Variants in TNIK observed in about 807,000 individuals in gnomAD.
TNIK encodes the protein TRAF2 and NCK interacting kinase.
A neutral mutation model predicts 191.3 loss-of-function variants in TNIK; 49 were observed. That is an observed-to-expected ratio of 0.26 (90% CI 0.20 to 0.32). The LOEUF is 0.32. Ranked by LOEUF, TNIK falls within the 10% of genes least tolerant of loss-of-function variation. The probability of loss-of-function intolerance (pLI) is 1.00; values close to 1 mark genes in which losing one functional copy is unlikely to be tolerated. For missense variants in TNIK, 1,155 were observed against 1,702.3 expected (o/e 0.68, Z 5.66); for synonymous variants, 594 against 600.9 (o/e 0.99, Z 0.17).
rs1717966728 is a variant in TNIK, at chr3:171,062,842, A to G, written c.*1039T>C. On this transcript the variant is annotated 3_prime_UTR_variant, in exon 33 of 33. Transcript: ENST00000436636. Reference sequence around the variant, plus strand: ...CCTCGGGAGAGCGCTGGGAATGTTCAGAGCCTGAATATCATCCACTCTCCA... The same window carrying G: ...CCTCGGGAGAGCGCTGGGAATGTTCGGAGCCTGAATATCATCCACTCTCCA... 2 of 152,342 alleles carry G rather than the reference A, an allele frequency of 1.3e-5. No homozygotes were observed. Among genetic ancestry groups the G allele is most frequent in the African/African-American group, 2.4e-5 (1 of 41,576 alleles). 9.4% of individuals were successfully genotyped at this position (152,342 alleles called of 1,614,324 possible).
rs1251573187 is a variant in TNIK at position 171,157,618 on chromosome 3, G to A, written c.1063C>T (p.Leu355=). The A allele has an allele frequency of 1.9e-6, 3 of 1,556,898 alleles. No homozygotes were observed. Among genetic ancestry groups the A allele is most frequent in the Admixed American group, 3.9e-5 (2 of 51,588 alleles). ...PGESTLRRDF[L]RLQLANKERS... is the part of the protein sequence containing the mutation. Reference sequence around the variant, plus strand: ...TCCTTGTTGGCCAGCTGCAGCCTCAGAAAGTCCCTCCGCAGCGTCGACTCC... The same window carrying A: ...TCCTTGTTGGCCAGCTGCAGCCTCAAAAAGTCCCTCCGCAGCGTCGACTCC... The change falls in exon 12 of 33, where the codon CTG becomes TTG. Residue 355 remains leucine, a synonymous_variant. Coordinates refer to ENST00000436636, the MANE Select transcript of TNIK (RefSeq NM_015028.4).
chr3:171,276,417 A>G (rs1215350745), intron 2 of TNIK, among the ~76,000 whole-genome samples: 1 of 152,214 alleles, frequency 6.6e-6, no homozygotes, highest in Non-Finnish European at 1.5e-5. Context: ...ACTCCATCAA[A>G]GTGAACTTGG....
At chr3:171,381,170 T>G (rs1353917247) in intron 1 of TNIK, among the ~76,000 whole-genome samples, 1 of 152,210 alleles carries the variant, frequency 6.6e-6, no homozygotes, top group Non-Finnish European at 1.5e-5. Flanking sequence ...AACGGGGGAT[T>G]TATACCATCT....
At chr3:171,253,085 G>T (rs1009266457) in intron 2 of TNIK, among the ~76,000 whole-genome samples, 1 of 151,320 alleles carries the variant, frequency 6.6e-6, no homozygotes, top group Non-Finnish European at 1.5e-5. Context: ...GACCATCCTG[G>T]CCAACACGGT....
chr3:171,287,773 A>G (rs1179182905), intron 2 of TNIK, among the ~76,000 whole-genome samples: 1 of 152,226 alleles, frequency 6.6e-6, no homozygotes, highest in East Asian at 1.9e-4. Context: ...TATTTGATAT[A>G]TAAAGGGCCA....
intron 1 of TNIK, among the ~76,000 whole-genome samples, chr3:171,376,257 CTG>C (rs902479426): frequency 1.3e-5 from 2 of 152,184 alleles, no homozygotes; most frequent in African/African-American, 2.4e-5. Context: ...CATTAGGAAA[CTG>C]TGCTGACTCA....
At chr3:171,444,335 C>A (rs949790430) in intron 1 of TNIK, among the ~76,000 whole-genome samples, 1 of 152,142 alleles carries the variant, frequency 6.6e-6, no homozygotes, top group African/African-American at 2.4e-5. Flanking sequence ...AATATACATT[C>A]CATTTCCCAG....
At chr3:171,103,842 A>G (rs1027115832) in intron 21 of TNIK, among the ~76,000 whole-genome samples, 5 of 152,216 alleles carry the variant, frequency 3.3e-5, no homozygotes, top group East Asian at 1.9e-4. Flanking sequence ...TTTCAAAACG[A>G]GACAAAAGAA....
In TNIK at chr3:171,459,479, CT is replaced by C. The variant is rs1320476548; in HGVS notation, c.57+527del. Among the ~76,000 whole-genome samples the C allele has an allele frequency of 2.6e-5, 4 of 152,306 alleles. No individual in the cohort carries two copies. In the South Asian group the frequency reaches 8.3e-4, roughly 32 times the overall value. ...AGGGGGAGGGGGAGGCAGTTGCCATCTACAAGACCAGCATAGCAATAACTGC... is the reference window on the plus strand; with the variant it reads ...AGGGGGAGGGGGAGGCAGTTGCCATCACAAGACCAGCATAGCAATAACTGC... On this transcript the variant is annotated intron_variant, in intron 1 of 32. Coordinates refer to ENST00000436636, the MANE Select transcript of TNIK (RefSeq NM_015028.4).
intron 1 of TNIK, among the ~76,000 whole-genome samples, chr3:171,425,343 T>C (rs1724410528): frequency 6.6e-6 from 1 of 152,198 alleles, no homozygotes; most frequent in Admixed American, 6.5e-5. Flanking sequence ...AACACCCCTA[T>C]GGCTAAATAT....
chr3:171,430,676 T>A (rs1269517156), intron 1 of TNIK, among the ~76,000 whole-genome samples: 6 of 150,940 alleles, frequency 4.0e-5, no homozygotes, highest in Non-Finnish European at 7.4e-5. Flanking sequence ...ATGAAATTAA[T>A]ATTGTTTTAA....
At chr3:171,343,920 AT>A (rs1186892666) in intron 2 of TNIK, among the ~76,000 whole-genome samples, 1 of 152,166 alleles carries the variant, frequency 6.6e-6, no homozygotes, top group Non-Finnish European at 1.5e-5. Context: ...CCTTCCTCAT[AT>A]GACTCTGCTC....
At chr3:171,158,428 T>C (rs183266066) in intron 11 of TNIK, among the ~76,000 whole-genome samples, 46 of 152,380 alleles carry the variant, frequency 3.0e-4, no homozygotes, top group African/African-American at 1.1e-3. Flanking sequence ...AAATAAGTTC[T>C]ACCTACTTCG....
intron 2 of TNIK, among the ~76,000 whole-genome samples, chr3:171,242,785 T>C (rs1314439476): frequency 6.6e-6 from 1 of 152,232 alleles, no homozygotes; most frequent in Non-Finnish European, 1.5e-5. Flanking sequence ...CTGATGAGCA[T>C]TCAACGGTTC....
intron 7 of TNIK, among the ~76,000 whole-genome samples, chr3:171,185,183 G>C (rs913109778): frequency 4.6e-4 from 33 of 72,310 alleles, no homozygotes; most frequent in African/African-American, 3.6e-3. Flanking sequence ...TTTCCCGTGT[G>C]TGTGTGTGTG....
chr3:171,157,573 T>C lies in TNIK; in HGVS notation c.1108A>G (p.Arg370Gly), dbSNP rs1576992467. The C allele has an allele frequency of 6.4e-7, 1 of 1,559,332 alleles. No homozygotes were observed. The highest frequency in any genetic ancestry group is 2.4e-5 in the East Asian group (1 of 41,386). Reference sequence around the variant, plus strand: ...CGCTGCTGCTGCTCCAGCTGCTGCCTCCGTAGGGCCTCAGAACGCTCCTTG... The same window carrying C: ...CGCTGCTGCTGCTCCAGCTGCTGCCCCCGTAGGGCCTCAGAACGCTCCTTG... ...ANKERSEALRRQQLEQQQREN... is the reference protein window; with the variant it reads ...ANKERSEALRGQQLEQQQREN... Residue 370 changes from arginine to glycine, a missense_variant, in exon 12 of 33, where the codon AGG becomes GGG. Arg to Gly is a moderately radical substitution (Grantham distance 125). Coordinates refer to ENST00000436636, the MANE Select transcript of TNIK (RefSeq NM_015028.4).
intron 15 of TNIK, among the ~76,000 whole-genome samples, chr3:171,132,576 A>AT (rs1170408566): frequency 2.0e-5 from 3 of 152,228 alleles, no homozygotes; most frequent in Admixed American, 2.0e-4. Context: ...TTCAAAATAA[A>AT]TTTTTTAAAA....
At chr3:171,195,149 T>A (rs1738537564) in intron 4 of TNIK, among the ~76,000 whole-genome samples, 1 of 152,210 alleles carries the variant, frequency 6.6e-6, no homozygotes, top group Admixed American at 6.5e-5. Flanking sequence ...GTTGGACACA[T>A]CAAATAAATT....
intron 2 of TNIK, among the ~76,000 whole-genome samples, chr3:171,331,063 T>A (rs910027227): frequency 6.6e-6 from 1 of 152,228 alleles, no homozygotes; most frequent in Admixed American, 6.5e-5. Context: ...AATCCTCACA[T>A]GAAAACAAGA....
Sources: allele counts gnomAD v4.1 joint callset (sites outside exome capture counted in the v4.1 genomes callset), GRCh38; gene constraint gnomAD v4.1.1; transcripts MANE v1.5; gene names NCBI Gene and HGNC (gene_info 2026-07-23, HGNC 2026-07-21).